Variants in SORCS3 observed in about 807,000 individuals in gnomAD.
SORCS3 encodes the protein sortilin related VPS10 domain containing receptor 3.
Under a neutral mutation model 146.3 loss-of-function variants are expected in SORCS3, and 57 were observed. That is an observed-to-expected ratio of 0.39 (90% confidence interval 0.31 to 0.49). The LOEUF is 0.49. SORCS3 is among the 20% of genes least tolerant of loss of function. SORCS3 has a pLI of 0.92. For synonymous variants in SORCS3, 653 were observed against 618.5 expected (o/e 1.06, Z -0.83); for missense variants, 1,341 against 1,575.5 (o/e 0.85, Z 2.52).
intron 20 of SORCS3, among the ~76,000 whole-genome samples, chr10:105,225,637 G>T (rs903859562): frequency 2.0e-5 from 3 of 151,840 alleles, no homozygotes; most frequent in Non-Finnish European, 4.4e-5. Context: ...GGATTTTGAT[G>T]GGCATTGGAT....
In SORCS3 at chr10:105,223,257, C is replaced by T. The variant is rs766064838; in HGVS notation, c.2868+8C>T. 1.2e-6 allele frequency: 2 copies of T among 1,602,308 alleles called. No individual in the cohort carries two copies. Among genetic ancestry groups the T allele is most frequent in the East Asian group, 4.5e-5 (2 of 44,574 alleles). ...TTCGGCAATAGCACAAAGGTTTGGCCCTTTCTGATTGATGTCAAATTAGAT... is the reference window on the plus strand; with the variant it reads ...TTCGGCAATAGCACAAAGGTTTGGCTCTTTCTGATTGATGTCAAATTAGAT... On this transcript the variant is annotated splice_region_variant and intron_variant, in intron 20 of 26. Transcript: ENST00000369701.
chr10:105,128,429 C>T (rs1341069141), intron 7 of SORCS3, among the ~76,000 whole-genome samples: 1 of 152,116 alleles, frequency 6.6e-6, no homozygotes, highest in African/African-American at 2.4e-5. Flanking sequence ...TATCTCCAAG[C>T]CTTCCAGAAA....
chr10:104,647,542 C>T lies in SORCS3; in HGVS notation c.627+5588C>T, dbSNP rs2015509224. On this transcript the variant is annotated intron_variant, in intron 1 of 26. Transcript: ENST00000369701. ...AGGGTAAGAGCTGAAATAATTAAAA[C>T]AGCACCCCTTCCCTCCAATCACCAT... Among the ~76,000 whole-genome samples, 4 of 152,174 alleles carry T rather than the reference C, an allele frequency of 2.6e-5. No homozygotes were observed. In the South Asian group the frequency reaches 8.3e-4, roughly 32 times the overall value.
chr10:104,993,686 G>A (rs2055007806), intron 4 of SORCS3, among the ~76,000 whole-genome samples: 1 of 152,144 alleles, frequency 6.6e-6, no homozygotes, highest in South Asian at 2.1e-4. Flanking sequence ...TCCCTGAAGG[G>A]AGCTTTAAGA....
chr10:104,967,836 T>C (rs1172018622), intron 3 of SORCS3, among the ~76,000 whole-genome samples: 25 of 151,908 alleles, frequency 1.6e-4, no homozygotes, highest in Non-Finnish European at 1.3e-4. Context: ...TTTTTTTTTT[T>C]TTTGATAGAG....
intron 1 of SORCS3, among the ~76,000 whole-genome samples, chr10:104,650,456 G>A (rs1260087418): frequency 6.6e-6 from 1 of 152,266 alleles, no homozygotes; most frequent in Non-Finnish European, 1.5e-5. Context: ...AATCCTGGGG[G>A]GGGCTGATCA....
chr10:105,226,043 T>A (rs2056731970), intron 20 of SORCS3, among the ~76,000 whole-genome samples: 1 of 151,924 alleles, frequency 6.6e-6, no homozygotes, highest in African/African-American at 2.4e-5. Flanking sequence ...GATTGGCTTT[T>A]ATTTTTTTTT....
intron 4 of SORCS3, among the ~76,000 whole-genome samples, chr10:105,023,779 A>C (rs1589598620): frequency 6.6e-6 from 1 of 152,014 alleles, no homozygotes; most frequent in African/African-American, 2.4e-5. Flanking sequence ...GGTGTTGCAA[A>C]ATCAGTCCAA....
At chr10:105,208,048 A>G (rs1198693053) in intron 16 of SORCS3, among the ~76,000 whole-genome samples, 3 of 152,158 alleles carry the variant, frequency 2.0e-5, no homozygotes, top group African/African-American at 4.8e-5. Flanking sequence ...ATGCTTAGAA[A>G]TAAGTAATTC....
intron 1 of SORCS3, among the ~76,000 whole-genome samples, chr10:104,769,557 G>A (rs774766028): frequency 1.3e-5 from 2 of 152,164 alleles, no homozygotes; most frequent in Non-Finnish European, 2.9e-5. Flanking sequence ...GAAGAAGCTG[G>A]CAAGCATTAC....
intron 7 of SORCS3, among the ~76,000 whole-genome samples, chr10:105,132,984 A>T (rs1315755562): frequency 6.6e-6 from 1 of 152,224 alleles, no homozygotes; most frequent in Non-Finnish European, 1.5e-5. Flanking sequence ...ACTAAACTTT[A>T]TTTCTTTCTT....
intron 2 of SORCS3, among the ~76,000 whole-genome samples, chr10:104,869,574 A>G (rs952116222): frequency 1.3e-5 from 2 of 152,240 alleles, no homozygotes; most frequent in African/African-American, 2.4e-5. Context: ...AAATTAACAC[A>G]TAAAACTAAG....
intron 3 of SORCS3, among the ~76,000 whole-genome samples, chr10:104,975,477 C>T (rs75198158): frequency 5.3e-4 from 80 of 152,236 alleles, no homozygotes; most frequent in African/African-American, 1.8e-3. Flanking sequence ...TGAAAATGGC[C>T]ATACTGCCCA....
chr10:104,738,229 T>C (rs1019181726), intron 1 of SORCS3, among the ~76,000 whole-genome samples: 11 of 152,246 alleles, frequency 7.2e-5, no homozygotes, highest in Non-Finnish European at 1.2e-4. Flanking sequence ...GGCTTAGGAT[T>C]GACTTGGTGA....
At chr10:104,916,504 C>T (rs1053713260) in intron 3 of SORCS3, among the ~76,000 whole-genome samples, 2 of 152,162 alleles carry the variant, frequency 1.3e-5, no homozygotes, top group African/African-American at 4.8e-5. Context: ...TGCTTCTCTG[C>T]TTTCCTCTTG....
intron 1 of SORCS3, among the ~76,000 whole-genome samples, chr10:104,667,937 C>T (rs2015803059): frequency 6.6e-6 from 1 of 152,154 alleles, no homozygotes; most frequent in Non-Finnish European, 1.5e-5. Flanking sequence ...GTAAGGAGGC[C>T]TCATACTTTC....
At chr10:104,824,993 C>T (rs192512043) in intron 1 of SORCS3, among the ~76,000 whole-genome samples, 20 of 152,314 alleles carry the variant, frequency 1.3e-4, no homozygotes, top group African/African-American at 4.1e-4. Context: ...ATCTTCCCAT[C>T]GCGGAGGCTG....
At chr10:105,038,001 T>A (rs939701356) in intron 4 of SORCS3, among the ~76,000 whole-genome samples, 7 of 152,222 alleles carry the variant, frequency 4.6e-5, no homozygotes, top group African/African-American at 1.7e-4. Flanking sequence ...AAAGAGTATG[T>A]TCTTTCATAT....
At chr10:104,975,612 A>T (rs2054891444) in intron 3 of SORCS3, among the ~76,000 whole-genome samples, 1 of 152,208 alleles carries the variant, frequency 6.6e-6, no homozygotes, top group Non-Finnish European at 1.5e-5. Context: ...AGTCAATCCT[A>T]AGCCAAAAGA....
Sources: allele counts gnomAD v4.1 joint callset (sites outside exome capture counted in the v4.1 genomes callset), GRCh38; gene constraint gnomAD v4.1.1; transcripts MANE v1.5; gene names NCBI Gene and HGNC (gene_info 2026-07-23, HGNC 2026-07-21).